The following PLEKHM3 variants were observed in gnomAD, a reference collection of about 807,000 sequenced individuals.
PLEKHM3 encodes the protein pleckstrin homology domain containing M3.
Under a neutral mutation model 81.8 loss-of-function variants are expected in PLEKHM3, and 45 were observed. That is an observed-to-expected ratio of 0.55 (90% confidence interval 0.43 to 0.71). The LOEUF (loss-of-function observed/expected upper bound fraction) is 0.71. Among genes scored for constraint, PLEKHM3 ranks in the 30% least tolerant of loss-of-function variants. The pLI, the probability that PLEKHM3 is intolerant of heterozygous loss-of-function variation, is 0.00. For synonymous variants in PLEKHM3, 352 were observed against 356.4 expected (o/e 0.99, Z 0.14); for missense variants, 788 against 924.3 (o/e 0.85, Z 1.91).
intron 5 of PLEKHM3, among the ~76,000 whole-genome samples, chr2:207,923,534 G>A (rs1689257117): frequency 6.6e-6 from 1 of 152,062 alleles, no homozygotes. Context: ...TTGAACCAGG[G>A]AGGTGGAGGT....
chr2:207,852,802 T>A (rs1194750238), intron 7 of PLEKHM3: 1 of 447,482 alleles, frequency 2.2e-6, no homozygotes. Flanking sequence ...AGGCCACATA[T>A]CCTTGTAATA....
At chr2:207,849,922 A>AT (rs1375597664) in intron 7 of PLEKHM3, among the ~76,000 whole-genome samples, 1 of 152,180 alleles carries the variant, frequency 6.6e-6, no homozygotes, top group Non-Finnish European at 1.5e-5. Flanking sequence ...ACAGGGAAAC[A>AT]TTTTTTTAAA....
At chr2:207,910,381 C>A (rs2105904244) in intron 5 of PLEKHM3, among the ~76,000 whole-genome samples, 1 of 152,318 alleles carries the variant, frequency 6.6e-6, no homozygotes, top group Non-Finnish European at 1.5e-5. Flanking sequence ...GATCAAGGGA[C>A]CTCTTCCTCA....
chr2:207,962,965 T>C (rs1411754755), intron 3 of PLEKHM3, among the ~76,000 whole-genome samples: 5 of 146,876 alleles, frequency 3.4e-5, no homozygotes, highest in Non-Finnish European at 6.0e-5. Context: ...ACTTGCAAGA[T>C]TATAATTGGT....
At chr2:207,937,974 A>G (rs974978700) in intron 4 of PLEKHM3, among the ~76,000 whole-genome samples, 1 of 152,208 alleles carries the variant, frequency 6.6e-6, no homozygotes, top group Admixed American at 6.5e-5. Context: ...TTTTCCCATC[A>G]GTGAGCTTTT....
chr2:207,840,534 T>C (rs2092344432), intron 7 of PLEKHM3, among the ~76,000 whole-genome samples: 1 of 152,182 alleles, frequency 6.6e-6, no homozygotes, highest in African/African-American at 2.4e-5. Flanking sequence ...CATCTATTAA[T>C]ATCTTCTCAT....
intron 7 of PLEKHM3, among the ~76,000 whole-genome samples, chr2:207,858,261 C>T (rs2092447922): frequency 6.7e-6 from 1 of 149,642 alleles, no homozygotes; most frequent in South Asian, 2.1e-4. Flanking sequence ...GCAATCTCTG[C>T]CTCCTGGGTT....
intron 5 of PLEKHM3, among the ~76,000 whole-genome samples, chr2:207,916,154 A>T (rs1688986704): frequency 6.6e-6 from 1 of 152,226 alleles, no homozygotes; most frequent in African/African-American, 2.4e-5. Flanking sequence ...ATTGGCTGAA[A>T]AAATGGCAAG....
intron 2 of PLEKHM3, among the ~76,000 whole-genome samples, chr2:207,985,814 G>A (rs545738724): frequency 3.3e-5 from 5 of 151,930 alleles, no homozygotes; most frequent in South Asian, 4.2e-4. Flanking sequence ...GTGAAACCCC[G>A]TCTCTACTAA....
At chr2:207,889,456 CA>C (rs1687983319) in intron 6 of PLEKHM3, among the ~76,000 whole-genome samples, 2 of 149,180 alleles carry the variant, frequency 1.3e-5, no homozygotes, top group African/African-American at 4.9e-5. Flanking sequence ...CACACACACA[CA>C]CACACACACA....
At chr2:207,965,167 A>G (rs1013139603) in intron 3 of PLEKHM3, among the ~76,000 whole-genome samples, 1 of 152,226 alleles carries the variant, frequency 6.6e-6, no homozygotes, top group South Asian at 2.1e-4. Flanking sequence ...GCCCAAGTTT[A>G]TCTTAAAACT....
At chr2:207,908,669 C>T (rs756973377) in intron 5 of PLEKHM3, 92 bp from the exon 6 acceptor site, 1 of 1,144,678 alleles carries the variant, frequency 8.7e-7, no homozygotes, top group Non-Finnish European at 1.3e-6. Flanking sequence ...GAATTCCTTT[C>T]CTCTGCCCTG....
chr2:207,841,525 C>T (rs1410520635), intron 7 of PLEKHM3, among the ~76,000 whole-genome samples: 1 of 123,688 alleles, frequency 8.1e-6, no homozygotes, highest in African/African-American at 3.0e-5. Flanking sequence ...CCATTTCTTT[C>T]TAGTACATTT....
At chr2:207,873,271 T>C (rs1181841623) in intron 6 of PLEKHM3, among the ~76,000 whole-genome samples, 1 of 152,188 alleles carries the variant, frequency 6.6e-6, no homozygotes, top group African/African-American at 2.4e-5. Flanking sequence ...AGATCTGAAA[T>C]GGGAGTTGGA....
chr2:207,911,177 C>T (rs929607237), intron 5 of PLEKHM3, among the ~76,000 whole-genome samples: 2 of 152,120 alleles, frequency 1.3e-5, no homozygotes, highest in African/African-American at 4.8e-5. Context: ...TGAGGAAAAA[C>T]CTGAATGGGA....
intron 1 of PLEKHM3, among the ~76,000 whole-genome samples, chr2:208,004,703 T>C (rs1186720521): frequency 6.6e-6 from 1 of 152,144 alleles, no homozygotes; most frequent in African/African-American, 2.4e-5. Context: ...CCTTAGGTAA[T>C]TGTTCATATG....
intron 4 of PLEKHM3, among the ~76,000 whole-genome samples, chr2:207,937,895 G>A (rs1247839224): frequency 6.6e-6 from 1 of 152,200 alleles, no homozygotes; most frequent in African/African-American, 2.4e-5. Flanking sequence ...TAATGGAGGA[G>A]AAATTAGGAA....
At chr2:208,003,348 A>T (rs1393175190) in intron 1 of PLEKHM3, among the ~76,000 whole-genome samples, 4 of 152,240 alleles carry the variant, frequency 2.6e-5, no homozygotes, top group Non-Finnish European at 5.9e-5. Context: ...CATATATGTT[A>T]TCGCAAAGGT....
At chr2:207,965,180 A>T (rs1690870092) in intron 3 of PLEKHM3, among the ~76,000 whole-genome samples, 1 of 152,204 alleles carries the variant, frequency 6.6e-6, no homozygotes, top group Non-Finnish European at 1.5e-5. Context: ...TTAAAACTGT[A>T]CCTACACCAG....
Sources: allele counts gnomAD v4.1 joint callset (sites outside exome capture counted in the v4.1 genomes callset), GRCh38; gene constraint gnomAD v4.1.1; transcripts MANE v1.5; gene names NCBI Gene and HGNC (gene_info 2026-07-23, HGNC 2026-07-21).